The following MBOAT2 variants were observed in gnomAD, a reference collection of about 807,000 sequenced individuals.
MBOAT2 encodes membrane bound glycerophospholipid O-acyltransferase 2, also known as membrane-bound glycerophospholipid O-acyltransferase 2.
Under a neutral mutation model 63.4 loss-of-function variants are expected in MBOAT2, and 28 were observed. That is an observed-to-expected ratio of 0.44 (90% confidence interval 0.33 to 0.61). MBOAT2 has a LOEUF of 0.61. Among genes scored for constraint, MBOAT2 ranks in the 20% least tolerant of loss-of-function variants. The pLI is 0.03. For synonymous variants in MBOAT2, 211 were observed against 215.6 expected (o/e 0.98, Z 0.19); for missense variants, 470 against 605.8 (o/e 0.78, Z 2.35).
chr2:8,995,467 A>G (rs1451759979), intron 1 of MBOAT2, among the ~76,000 whole-genome samples: 6 of 152,252 alleles, frequency 3.9e-5, no homozygotes, highest in African/African-American at 1.4e-4. Flanking sequence ...CCTAGAGTAG[A>G]GTACACAGTG....
At chr2:8,973,640 A>G (rs899952057) in intron 1 of MBOAT2, among the ~76,000 whole-genome samples, 1 of 152,096 alleles carries the variant, frequency 6.6e-6, no homozygotes, top group Non-Finnish European at 1.5e-5. Flanking sequence ...CAATAATAAA[A>G]ACAGTATAAT....
intron 1 of MBOAT2, among the ~76,000 whole-genome samples, chr2:8,977,759 A>T (rs1467621673): frequency 6.6e-6 from 1 of 152,128 alleles, no homozygotes; most frequent in Non-Finnish European, 1.5e-5. Flanking sequence ...TACTGTGGCC[A>T]CAAGGGAACT....
At chr2:8,866,468 A>G (rs1661907180) in intron 9 of MBOAT2, among the ~76,000 whole-genome samples, 2 of 152,300 alleles carry the variant, frequency 1.3e-5, no homozygotes, top group South Asian at 2.1e-4. Context: ...CTCCTTCTCC[A>G]TTTTTATTGC....
chr2:8,938,933 C>T (rs1244433161), intron 3 of MBOAT2, among the ~76,000 whole-genome samples: 2 of 152,188 alleles, frequency 1.3e-5, no homozygotes, highest in African/African-American at 2.4e-5. Flanking sequence ...GCTACTTGCT[C>T]CTAGCTGGGT....
At chr2:8,872,288 C>T (rs986339331) in intron 8 of MBOAT2, among the ~76,000 whole-genome samples, 2 of 152,096 alleles carry the variant, frequency 1.3e-5, no homozygotes, top group African/African-American at 4.8e-5. Flanking sequence ...GGGGTTATTG[C>T]TCAACTCATA....
chr2:8,937,170 G>A (rs1421521932), intron 3 of MBOAT2, among the ~76,000 whole-genome samples: 4 of 152,184 alleles, frequency 2.6e-5, no homozygotes, highest in African/African-American at 9.6e-5. Flanking sequence ...CACAGAAAAG[G>A]AGACAGGGAG....
In MBOAT2 at chr2:8,868,490, C is replaced by A; in HGVS notation, c.943G>T (p.Ala315Ser). The A allele has an allele frequency of 6.2e-7, 1 of 1,614,094 alleles. No homozygotes were observed. The highest frequency in any genetic ancestry group is 8.5e-7 in the Non-Finnish European group (1 of 1,179,986). The change falls in exon 9 of 13, where the codon GCT becomes TCT. Residue 315 changes from alanine to serine, a missense_variant. Ala to Ser is a moderately conservative substitution (Grantham distance 99, BLOSUM62 1). Around this residue, in one of 3 missense-constraint regions of MBOAT2, gnomAD observed 376 missense variants for 503.8 expected, o/e 0.75. Transcript: ENST00000305997. ...AAATTGGAAATTAAGTCCCAGCGAG[C>A]TGCTCCATTTTCGTCATACCCTCTG... ...GFRGYDENGA[A>S]RWDLISNLRI...
intron 12 of MBOAT2, 81 bp from the exon 13 acceptor site, chr2:8,858,985 T>G: frequency 2.0e-6 from 2 of 989,730 alleles, no homozygotes; most frequent in South Asian, 3.2e-5. Context: ...AAATGTCACA[T>G]GGCCCACCTT....
At chr2:8,926,215 A>G (rs1469458335) in intron 3 of MBOAT2, among the ~76,000 whole-genome samples, 2 of 151,838 alleles carry the variant, frequency 1.3e-5, no homozygotes, top group East Asian at 3.9e-4. Context: ...TGAAGCCTTG[A>G]CCTCCTGGGC....
intron 3 of MBOAT2, among the ~76,000 whole-genome samples, chr2:8,927,339 C>T (rs779236097): frequency 1.3e-5 from 2 of 152,286 alleles, no homozygotes; most frequent in Non-Finnish European, 2.9e-5. Flanking sequence ...TTTCATTATA[C>T]ATTCATATTG....
chr2:8,888,295 A>G (rs908649826), intron 4 of MBOAT2, among the ~76,000 whole-genome samples: 4 of 152,192 alleles, frequency 2.6e-5, no homozygotes, highest in African/African-American at 7.2e-5. Context: ...CAAAAAATGA[A>G]AAACAAAAGA....
At chr2:8,928,322 A>G (rs1667073949) in intron 3 of MBOAT2, among the ~76,000 whole-genome samples, 1 of 152,118 alleles carries the variant, frequency 6.6e-6, no homozygotes, top group African/African-American at 2.4e-5. Flanking sequence ...GCAGCACTAG[A>G]CAAGAGAGTT....
intron 2 of MBOAT2, among the ~76,000 whole-genome samples, chr2:8,949,244 A>G (rs1468564162): frequency 6.6e-6 from 1 of 152,194 alleles, no homozygotes; most frequent in African/African-American, 2.4e-5. Flanking sequence ...AACCTTTGTC[A>G]AATCCACAGT....
intron 3 of MBOAT2, among the ~76,000 whole-genome samples, chr2:8,912,064 CA>C (rs1558605879): frequency 6.6e-6 from 1 of 151,878 alleles, no homozygotes; most frequent in Non-Finnish European, 1.5e-5. Context: ...AAACCCTCAT[CA>C]AAATTGGTAT....
chr2:8,927,148 C>T (rs1453380102), intron 3 of MBOAT2, among the ~76,000 whole-genome samples: 1 of 152,106 alleles, frequency 6.6e-6, no homozygotes, highest in East Asian at 1.9e-4. Context: ...CAGAAATGAG[C>T]AGGGCGAGAC....
chr2:9,003,674 A>G lies in MBOAT2; in HGVS notation c.-60T>C. 1 of 1,064,024 alleles carries G rather than the reference A, an allele frequency of 9.4e-7. No individual in the cohort carries two copies. The highest frequency in any genetic ancestry group is 1.1e-6 in the Non-Finnish European group (1 of 871,540). 65.9% of individuals were successfully genotyped at this position (1,064,024 alleles called of 1,614,324 possible). On this transcript the variant is annotated 5_prime_UTR_variant, in exon 1 of 13. Coordinates refer to ENST00000305997, the MANE Select transcript of MBOAT2 (RefSeq NM_138799.4). This position sits in a 1 kb window ranked among gnomAD's most constrained non-coding sequence, Gnocchi z 5.4. ...TCGCCCGCTCGCGCTGTGCCGGGCG[A>G]CGACGAGGATGGGGATGCAGCGGCG...
chr2:8,920,944 T>C (rs1423421791), intron 3 of MBOAT2, among the ~76,000 whole-genome samples: 1 of 152,212 alleles, frequency 6.6e-6, no homozygotes, highest in Non-Finnish European at 1.5e-5. Flanking sequence ...TGGTTTCTGT[T>C]TGCATGGCTT....
At chr2:8,936,561 G>C (rs1237323379) in intron 3 of MBOAT2, among the ~76,000 whole-genome samples, 1 of 152,144 alleles carries the variant, frequency 6.6e-6, no homozygotes, top group Non-Finnish European at 1.5e-5. Context: ...AAGGCAGGCA[G>C]ATCAAAGATC....
chr2:8,988,868 T>C lies in MBOAT2; in HGVS notation c.75+14672A>G, dbSNP rs989798629. ...CATGCATAATAATATCCATAATGAA[T>C]CATACACAATAAAATAAAGTATATG... On this transcript the variant is annotated intron_variant, in intron 1 of 12. Transcript: ENST00000305997. 3.9e-5 allele frequency among the ~76,000 whole-genome samples: 6 copies of C among 152,224 alleles called. No homozygotes were observed. In the East Asian group the frequency reaches 1.2e-3, roughly 29 times the overall value.
Sources: gnomAD v4.1 joint callset for allele counts (sites outside exome capture counted in the v4.1 genomes callset) on GRCh38, gnomAD v4.1.1 for gene constraint, gnomAD v4.1.1 regional missense constraint, Gnocchi (gnomAD v3.1) non-coding constraint, MANE v1.5 for transcripts, NCBI Gene and HGNC (gene_info 2026-07-23, HGNC 2026-07-21) for gene names.